The following CBL variants were observed in gnomAD, a reference collection of about 807,000 sequenced individuals.
CBL encodes E3 ubiquitin-protein ligase CBL.
In CBL, 45 loss-of-function variants were observed where a neutral mutation model predicts 96.9. The ratio of observed to expected loss-of-function variants is 0.46; its 90% CI spans 0.37 to 0.60. CBL has a LOEUF of 0.60. Among genes scored for constraint, CBL ranks in the 20% least tolerant of loss-of-function variants. The pLI is 0.00. For missense variants in CBL, 1,024 were observed against 1,143.5 expected, an observed-to-expected ratio of 0.90 and a Z score of 1.51; for synonymous variants, 420 against 426.8, an observed-to-expected ratio of 0.98 and a Z score of 0.20.
At chr11:119,220,289 C>T (rs556734063) in intron 1 of CBL, among the ~76,000 whole-genome samples, 10 of 152,362 alleles carry the variant, frequency 6.6e-5, no homozygotes, top group African/African-American at 2.2e-4. Flanking sequence ...GTGTGAGCCA[C>T]TGCACCTGGC....
chr11:119,240,693 G>A (rs181156392), intron 2 of CBL, among the ~76,000 whole-genome samples: 1 of 152,292 alleles, frequency 6.6e-6, no homozygotes, highest in South Asian at 2.1e-4. Flanking sequence ...AGACATATGT[G>A]TTCCTTCATA....
intron 1 of CBL, among the ~76,000 whole-genome samples, chr11:119,208,285 G>C (rs1233365711): frequency 6.6e-6 from 1 of 152,134 alleles, no homozygotes; most frequent in Non-Finnish European, 1.5e-5. Context: ...CTTTTCTAAT[G>C]AGTGTCTCGT....
intron 1 of CBL, among the ~76,000 whole-genome samples, chr11:119,218,084 G>C (rs886137216): frequency 3.3e-5 from 5 of 151,910 alleles, no homozygotes; most frequent in African/African-American, 1.2e-4. Flanking sequence ...ATAAAGGAAA[G>C]GAAAAAGGAA....
chr11:119,297,498 C>T lies in CBL; in HGVS notation c.2251+17C>T. ...GCACCTTTGGTAAGTTGCCATTCTG[C>T]TACTTTAAAAATCATTGATATGTCA... On this transcript the variant is annotated intron_variant, in intron 14 of 15. Coordinates refer to ENST00000264033, the MANE Select transcript of CBL (RefSeq NM_005188.4). The T allele has an allele frequency of 1.3e-6, 2 of 1,557,522 alleles. No homozygotes were observed. The highest frequency in any genetic ancestry group is 1.7e-4 in the Middle Eastern group (1 of 5,972).
intron 2 of CBL, among the ~76,000 whole-genome samples, chr11:119,266,920 T>G (rs1459856569): frequency 6.6e-6 from 1 of 152,238 alleles, no homozygotes; most frequent in African/African-American, 2.4e-5. Flanking sequence ...TTTGTGGATC[T>G]TTGGAGAATC....
chr11:119,253,122 A>G (rs1490946304), intron 2 of CBL, among the ~76,000 whole-genome samples: 1 of 151,898 alleles, frequency 6.6e-6, no homozygotes, highest in African/African-American at 2.4e-5. Context: ...GCTTTTAAAA[A>G]CTCAGATTTC....
chr11:119,284,980 G>T lies in CBL; in HGVS notation c.1443G>T (p.Pro481=), dbSNP rs768111719. The change falls in exon 10 of 16, where the codon CCG becomes CCT. Residue 481 remains proline (P), a synonymous_variant. Coordinates refer to ENST00000264033, the MANE Select transcript of CBL (RefSeq NM_005188.4). ...KELAGAKVER[P]PSPFSMAPQA... is the part of the protein sequence containing the mutation. ...TTTATGTACCCTAGGTGGAACGGCC[G>T]CCTTCTCCATTCTCCATGGCCCCAC... 76 of 1,613,954 alleles carry T rather than the reference G, an allele frequency of 4.7e-5. No homozygotes were observed. Among genetic ancestry groups the T allele is most frequent in the Admixed American group, 2.8e-4 (17 of 59,990 alleles).
chr11:119,289,136 T>C (rs1216680403), intron 12 of CBL, among the ~76,000 whole-genome samples: 2 of 152,206 alleles, frequency 1.3e-5, no homozygotes, highest in African/African-American at 4.8e-5. Context: ...CCTCAGTTCC[T>C]AAGAATGTGT....
At position 119,285,243 on chromosome 11, in the gene CBL, C is replaced by A; in HGVS notation, c.1618C>A (p.Arg540=). 1 of 1,614,152 alleles carries A rather than the reference C, an allele frequency of 6.2e-7. No individual in the cohort carries two copies. Among genetic ancestry groups the A allele is most frequent in the Non-Finnish European group, 8.5e-7 (1 of 1,180,016 alleles). ...DKPLPVPPTL[R]DLPPPPPPDR... ...ACCATTGCCAGTACCTCCCACACTT[C>A]GAGATCTTCCACCACCACCGCCTCC... Residue 540 remains arginine, a synonymous_variant, in exon 11 of 16, where the codon CGA becomes AGA. Transcript: ENST00000264033.
At position 119,305,124 on chromosome 11, in the gene CBL, C is replaced by T. The variant is rs559076192; in HGVS notation, c.*5343C>T. ...CTACTCAAGAAGTAAAGCCACTACT[C>T]CTGCCTTTTTGCTTAGTGGACAGGA... On this transcript the variant is annotated 3_prime_UTR_variant, in exon 16 of 16. Coordinates refer to ENST00000264033, the MANE Select transcript of CBL (RefSeq NM_005188.4). 1.0e-4 allele frequency: 23 copies of T among 222,692 alleles called. No homozygotes were observed. The highest frequency in any genetic ancestry group is 2.0e-4 in the Non-Finnish European group (22 of 111,566). The allele number at this position is 222,692 out of a possible 1,614,324, so 13.8% of individuals were successfully genotyped here.
rs770832773 is a variant in CBL, at chr11:119,299,491, C to T, written c.2435-4C>T. ...GCAAATATTTTCTTTCCTATTTCTTCTAGATGTCACTGAAGGTTCCCAAGT... is the reference window on the plus strand; with the variant it reads ...GCAAATATTTTCTTTCCTATTTCTTTTAGATGTCACTGAAGGTTCCCAAGT... On this transcript the variant is annotated splice_polypyrimidine_tract_variant and splice_region_variant and intron_variant, in intron 15 of 15. Coordinates refer to ENST00000264033, the MANE Select transcript of CBL (RefSeq NM_005188.4). The T allele has an allele frequency of 5.0e-6, 8 of 1,613,718 alleles. No individual in the cohort carries two copies. In the Admixed American group the frequency reaches 1.3e-4, roughly 27 times the overall value.
chr11:119,266,141 T>C (rs1385399755), intron 2 of CBL, among the ~76,000 whole-genome samples: 1 of 152,106 alleles, frequency 6.6e-6, no homozygotes, highest in Admixed American at 6.5e-5. Flanking sequence ...GGCTGCAGTT[T>C]CCTTGTCTTA....
chr11:119,289,633 T>G (rs924823843), intron 12 of CBL: 19 of 152,078 alleles, frequency 1.2e-4, no homozygotes, highest in Admixed American at 2.0e-4. Context: ...GGTAATCATC[T>G]CTGTATCGTT....
chr11:119,257,365 G>A (rs985383786), intron 2 of CBL, among the ~76,000 whole-genome samples: 5 of 152,118 alleles, frequency 3.3e-5, no homozygotes, highest in African/African-American at 4.8e-5. Flanking sequence ...GATTAGTGAC[G>A]TTGATTATTT....
intron 3 of CBL, 72 bp downstream of exon 3, chr11:119,271,953 A>G: frequency 6.9e-7 from 1 of 1,440,158 alleles, no homozygotes; most frequent in Admixed American, 1.8e-5. Context: ...CTTTTTTACT[A>G]ATGAAATATT....
intron 2 of CBL, among the ~76,000 whole-genome samples, chr11:119,233,125 A>T (rs184998690): frequency 6.6e-6 from 1 of 152,340 alleles, no homozygotes; most frequent in Non-Finnish European, 1.5e-5. Context: ...ACTTTTTAAA[A>T]CATGAAGCAA....
At chr11:119,277,120 G>T (rs1949894596) in intron 6 of CBL, among the ~76,000 whole-genome samples, 1 of 152,066 alleles carries the variant, frequency 6.6e-6, no homozygotes, top group Admixed American at 6.6e-5. Flanking sequence ...GGTGGTGGGT[G>T]CCTGTAATCC....
chr11:119,268,969 C>G (rs924938554), intron 2 of CBL, among the ~76,000 whole-genome samples: 1 of 152,218 alleles, frequency 6.6e-6, no homozygotes, highest in Non-Finnish European at 1.5e-5. Flanking sequence ...GGGACTACTA[C>G]TTGACAGAAT....
chr11:119,229,690 GT>G (rs1949486548), intron 1 of CBL, among the ~76,000 whole-genome samples: 1 of 151,278 alleles, frequency 6.6e-6, no homozygotes, highest in Non-Finnish European at 1.5e-5. Context: ...GATGTATTTA[GT>G]TTTACAATTT....
Sources: allele counts gnomAD v4.1 joint callset (sites outside exome capture counted in the v4.1 genomes callset), GRCh38; gene constraint gnomAD v4.1.1; transcripts MANE v1.5; gene names NCBI Gene and HGNC (gene_info 2026-07-23, HGNC 2026-07-21).